MIGA1: variants seen among roughly 807,000 people sequenced by gnomAD.
MIGA1 encodes mitoguardin 1.
A neutral mutation model predicts 82.0 loss-of-function variants in MIGA1; 58 were observed. The ratio of observed to expected loss-of-function variants is 0.71; its 90% CI spans 0.57 to 0.88. The LOEUF is 0.88. MIGA1 is among the 40% of genes least tolerant of loss of function. The pLI is 0.00. For missense variants in MIGA1, 751 were observed against 749.1 expected (o/e 1.00, Z -0.03); for synonymous variants, 249 against 253.6 (o/e 0.98, Z 0.17).
intron 7 of MIGA1, among the ~76,000 whole-genome samples, chr1:77,834,404 G>A (rs1684353384): frequency 6.6e-6 from 1 of 152,034 alleles, no homozygotes; most frequent in Admixed American, 6.6e-5. Context: ...TTGAACTCTT[G>A]GGGTCAAGTG....
chr1:77,844,117 T>A (rs61777144), intron 8 of MIGA1, among the ~76,000 whole-genome samples: 9,520 of 54,312 alleles, frequency 0.18, 502 homozygotes, highest in South Asian at 0.21. Context: ...AAAAAAAATA[T>A]ATATATATAT....
chr1:77,847,626 G>T, intron 8 of MIGA1: 9 of 1,547,814 alleles, frequency 5.8e-6, no homozygotes, highest in Non-Finnish European at 8.0e-6. Context: ...AAAAAAGAGG[G>T]CTGCTGCGCT....
At chr1:77,812,473 CAAAT>C (rs767430397) in intron 5 of MIGA1, among the ~76,000 whole-genome samples, 17 of 151,998 alleles carry the variant, frequency 1.1e-4, no homozygotes, top group Non-Finnish European at 2.2e-4. Flanking sequence ...AAATGAATAA[CAAAT>C]AAATACGAAA....
chr1:77,808,283 G>T (rs988403143), intron 5 of MIGA1, among the ~76,000 whole-genome samples: 4 of 152,010 alleles, frequency 2.6e-5, no homozygotes, highest in African/African-American at 9.7e-5. Context: ...ATCTCCCTGT[G>T]TTGGGATTCT....
intron 7 of MIGA1, among the ~76,000 whole-genome samples, chr1:77,819,592 A>T (rs1342829035): frequency 6.9e-6 from 1 of 144,600 alleles, no homozygotes; most frequent in African/African-American, 2.6e-5. Context: ...CCTATTCTTT[A>T]TTTTTTTGAG....
chr1:77,825,439 T>G (rs1683993815), intron 7 of MIGA1, among the ~76,000 whole-genome samples: 1 of 152,236 alleles, frequency 6.6e-6, no homozygotes, highest in Non-Finnish European at 1.5e-5. Context: ...GAATGTGAGA[T>G]GTTGAAATCA....
At chr1:77,789,631 T>C (rs1249414105) in intron 2 of MIGA1, among the ~76,000 whole-genome samples, 1 of 152,184 alleles carries the variant, frequency 6.6e-6, no homozygotes, top group Non-Finnish European at 1.5e-5. Flanking sequence ...TTTAATTGTA[T>C]TTGATGTTTT....
At chr1:77,868,969 T>C (rs1309815248) in intron 14 of MIGA1, among the ~76,000 whole-genome samples, 1 of 151,374 alleles carries the variant, frequency 6.6e-6, no homozygotes, top group Non-Finnish European at 1.5e-5. Flanking sequence ...CATTCTTGGG[T>C]GTTTCTCGCA....
chr1:77,829,901 A>G (rs1410536081), intron 7 of MIGA1, among the ~76,000 whole-genome samples: 1 of 26,850 alleles, frequency 3.7e-5, no homozygotes. Context: ...CCCCACCGTC[A>G]TATGTCAGGT....
At chr1:77,821,098 C>T (rs1310895325) in intron 7 of MIGA1, among the ~76,000 whole-genome samples, 1 of 151,176 alleles carries the variant, frequency 6.6e-6, no homozygotes, top group African/African-American at 2.4e-5. Context: ...TGTGCCATTG[C>T]ACTCCAGACT....
intron 14 of MIGA1, among the ~76,000 whole-genome samples, chr1:77,869,748 C>A (rs1356505036): frequency 2.6e-5 from 3 of 117,228 alleles, no homozygotes; most frequent in Admixed American, 7.6e-5. Context: ...ACCCCCCCCC[C>A]GCCTGCCTCC....
Position 77,875,277 on chromosome 1 carries a change from C to T in MIGA1, c.*213C>T. The stretch of plus-strand genomic sequence containing the variant: ...TGTAGTCATAGTGGCTTTTTGCATT[C>T]ATTAGGTAATAATTGAAGTCATGAA... On this transcript the variant is annotated 3_prime_UTR_variant, in exon 16 of 16. Transcript: ENST00000370791. The T allele has an allele frequency of 4.3e-6, 2 of 470,166 alleles. No individual in the cohort carries two copies. The highest frequency in any genetic ancestry group is 7.5e-6 in the Non-Finnish European group (2 of 265,844). 29.1% of individuals were successfully genotyped at this position (470,166 alleles called of 1,614,324 possible). A position where few individuals can be genotyped will look rare whatever the true frequency, so the allele number is the denominator to read the frequency against.
intron 2 of MIGA1, among the ~76,000 whole-genome samples, chr1:77,788,935 T>C (rs1415546403): frequency 1.3e-5 from 2 of 152,144 alleles, no homozygotes; most frequent in African/African-American, 4.8e-5. Flanking sequence ...GTTTTTCTAT[T>C]TCTGCCAAAA....
chr1:77,847,149 G>C, intron 8 of MIGA1: 1 of 1,240,896 alleles, frequency 8.1e-7, no homozygotes, highest in Non-Finnish European at 1.2e-6. Context: ...TTTTGCCAAA[G>C]AAAACACAGC....
chr1:77,807,194 C>T (rs1683133516), intron 5 of MIGA1, 93 bp downstream of exon 5: 2 of 990,064 alleles, frequency 2.0e-6, no homozygotes, highest in Non-Finnish European at 3.0e-6. Flanking sequence ...CAGGGTCTCA[C>T]TCTGTCACCC....
intron 8 of MIGA1, among the ~76,000 whole-genome samples, chr1:77,857,279 G>T (rs1455908562): frequency 1.3e-5 from 2 of 150,346 alleles, no homozygotes; most frequent in Admixed American, 1.3e-4. Context: ...GAAATGCGAG[G>T]TACTATTACA....
chr1:77,814,923 A>G (rs1683515779), intron 6 of MIGA1, among the ~76,000 whole-genome samples, 185 bp from the exon 7 acceptor site: 1 of 152,196 alleles, frequency 6.6e-6, no homozygotes, highest in Non-Finnish European at 1.5e-5. Flanking sequence ...GAACTAAGGT[A>G]ATTTTGCCAA....
rs968007967 is a variant in MIGA1 at position 77,856,827 on chromosome 1, C to G, written c.997-2111C>G. Among the ~76,000 whole-genome samples, 5 of 152,048 alleles carry G rather than the reference C, an allele frequency of 3.3e-5. No individual in the cohort carries two copies. The East Asian group carries it at 9.7e-4, about 29-fold the overall frequency. ...TTTATTTATCTTTTCAAAGAGCCAG[C>G]TTTTTGTTTCATTCCTCTTTTGTAT... On this transcript the variant is annotated intron_variant, in intron 8 of 15. Transcript: ENST00000370791.
chr1:77,861,613 C>T (rs1454590639), intron 12 of MIGA1: 5 of 337,040 alleles, frequency 1.5e-5, no homozygotes, highest in Non-Finnish European at 2.7e-5. Flanking sequence ...TGGCAGGCCC[C>T]TAGCAGGACA....
Sources: allele counts gnomAD v4.1 joint callset (sites outside exome capture counted in the v4.1 genomes callset), GRCh38; gene constraint gnomAD v4.1.1; transcripts MANE v1.5; gene names NCBI Gene and HGNC (gene_info 2026-07-23, HGNC 2026-07-21).